AGAP3: variants seen among roughly 807,000 people sequenced by gnomAD.
The protein encoded by AGAP3 is ArfGAP with GTPase domain, ankyrin repeat and PH domain 3.
AGAP3 carries 24 observed loss-of-function variants against 96.9 expected under a neutral mutation model. That is an observed-to-expected ratio of 0.25 (90% confidence interval 0.18 to 0.35). AGAP3 has a LOEUF of 0.35. AGAP3 is among the 10% of genes least tolerant of loss of function. The probability of loss-of-function intolerance (pLI) is 1.00; values close to 1 mark genes in which losing one functional copy is unlikely to be tolerated. For synonymous variants in AGAP3, 563 were observed against 536.1 expected, an observed-to-expected ratio of 1.05 and a Z score of -0.69; for missense variants, 876 against 1,254.2, an observed-to-expected ratio of 0.70 and a Z score of 4.55.
At chr7:151,124,925 A>G (rs1432992673) in intron 9 of AGAP3, among the ~76,000 whole-genome samples, 1 of 152,162 alleles carries the variant, frequency 6.6e-6, no homozygotes, top group Non-Finnish European at 1.5e-5. Flanking sequence ...TGTTCGTTGC[A>G]TTTATGTCTG....
In AGAP3 at chr7:151,123,803, G is replaced by A. The variant is rs1286123686; in HGVS notation, c.1138G>A (p.Gly380Ser). 1.2e-6 allele frequency: 2 copies of A among 1,613,186 alleles called. No homozygotes were observed. Among genetic ancestry groups the A allele is most frequent in the African/African-American group, 1.3e-5 (1 of 75,054 alleles). The change falls in exon 9 of 18, where the codon GGT (glycine) becomes AGT (serine). Residue 380 changes from glycine (G) to serine (S), a missense_variant. Gly to Ser is a moderately conservative substitution (Grantham distance 56). Transcript: ENST00000397238. ...RRSNIFTSRKGADLDREKKAA... is the reference protein window; with the variant it reads ...RRSNIFTSRKSADLDREKKAA... Reference sequence around the variant, plus strand: ...TTGTTTTCTCTTCCAGTCTCGGAAGGGTGCTGACCTGGACCGGGAGAAGAA... The same window carrying A: ...TTGTTTTCTCTTCCAGTCTCGGAAGAGTGCTGACCTGGACCGGGAGAAGAA...
intron 1 of AGAP3, among the ~76,000 whole-genome samples, chr7:151,087,838 T>C (rs564673471): frequency 6.6e-6 from 1 of 152,262 alleles, no homozygotes; most frequent in South Asian, 2.1e-4. Context: ...TTTCGACCGC[T>C]GAGGGCACAG....
chr7:151,105,792 CCACACACACA>C (rs60071807), intron 1 of AGAP3, among the ~76,000 whole-genome samples: 31 of 26,922 alleles, frequency 1.2e-3, no homozygotes, highest in East Asian at 8.7e-3. Flanking sequence ...CCCCCCGACA[CCACACACACA>C]CACACACACA....
At chr7:151,110,142 A>C (rs1799221721) in intron 1 of AGAP3, among the ~76,000 whole-genome samples, 1 of 152,198 alleles carries the variant, frequency 6.6e-6, no homozygotes, top group Admixed American at 6.5e-5. Flanking sequence ...TTCTCTCAAA[A>C]GACTGGCCCA....
intron 1 of AGAP3, among the ~76,000 whole-genome samples, chr7:151,089,474 G>A (rs114714012): frequency 1.1e-3 from 171 of 152,076 alleles, no homozygotes; most frequent in African/African-American, 3.8e-3. Context: ...CGGCAGTTCC[G>A]AGTGTATAAC....
At position 151,118,233 on chromosome 7, in the gene AGAP3, C is replaced by G; in HGVS notation, c.730C>G (p.Arg244Gly). 1.2e-6 allele frequency: 2 copies of G among 1,611,722 alleles called. No homozygotes were observed. Among genetic ancestry groups the G allele is most frequent in the Non-Finnish European group, 1.7e-6 (2 of 1,178,164 alleles). Residue 244 changes from arginine to glycine, a missense_variant, in exon 6 of 18, where the codon CGG becomes GGG. Arg to Gly is a moderately radical substitution (Grantham distance 125). Coordinates refer to ENST00000397238, the MANE Select transcript of AGAP3 (RefSeq NM_031946.7). The surrounding 1 kb of genome is among the most constrained non-coding windows in gnomAD (Gnocchi z 6.1). The stretch of plus-strand genomic sequence containing the variant: ...AGATGCCATCAGCGCTGCGAATCCC[C>G]GGGTTATCGACGACAGCAGAGCCCG... ...TQDAISAANP[R>G]VIDDSRARKL...
chr7:151,120,131 T>A lies in AGAP3; in HGVS notation c.1114T>A (p.Ser372Thr). 1 of 1,609,948 alleles carries A rather than the reference T, an allele frequency of 6.2e-7. No individual in the cohort carries two copies. The highest frequency in any genetic ancestry group is 8.5e-7 in the Non-Finnish European group (1 of 1,177,936). ...CATCCGAAAGCAGTCCAAGCGGCGCTCCAACATCTTCACGGTACGTGACTG... is the reference window on the plus strand; with the variant it reads ...CATCCGAAAGCAGTCCAAGCGGCGCACCAACATCTTCACGGTACGTGACTG... ...TPIRKQSKRR[S>T]NIFTSRKGAD... The change falls in exon 8 of 18, where the codon TCC becomes ACC. Residue 372 changes from serine (S) to threonine (T), a missense_variant. Around this residue, in one of 8 missense-constraint regions of AGAP3, gnomAD observed 100 missense variants for 129.4 expected, o/e 0.77. Transcript: ENST00000397238.
At chr7:151,117,060 G>A (rs1799625957) in intron 2 of AGAP3, 35 bp from the exon 3 acceptor site, 14 of 1,600,634 alleles carry the variant, frequency 8.7e-6, no homozygotes, top group Non-Finnish European at 1.0e-5. Flanking sequence ...CGTGCCCTCT[G>A]CCCTCTGACC....
chr7:151,100,132 T>C (rs190808358), intron 1 of AGAP3, among the ~76,000 whole-genome samples: 1 of 152,218 alleles, frequency 6.6e-6, no homozygotes, highest in South Asian at 2.1e-4. Flanking sequence ...CTGCCTGCAG[T>C]GCGCCCTTTG....
In AGAP3 at chr7:151,096,811, C is replaced by T. The variant is rs150757855; in HGVS notation, c.331+9739C>T. Among the ~76,000 whole-genome samples the T allele has an allele frequency of 3.8e-3, 581 of 151,144 alleles. 3 individuals are homozygous for T. The highest frequency in any genetic ancestry group is 6.3e-3 in the Non-Finnish European group (427 of 67,876). ...TTTTCTTTAACGAGACAGAGTCTTG[C>T]TTTGTTTCCCAGGCTGGAGTGTAGT... On this transcript the variant is annotated intron_variant, in intron 1 of 17. Transcript: ENST00000397238. The surrounding 1 kb of genome is among the most constrained non-coding windows in gnomAD (Gnocchi z 4.4).
intron 1 of AGAP3, among the ~76,000 whole-genome samples, chr7:151,098,600 G>A (rs999913523): frequency 9.9e-5 from 15 of 152,238 alleles, no homozygotes; most frequent in East Asian, 3.9e-4. Flanking sequence ...GCAGTGAGCC[G>A]TGATCACACC....
chr7:151,086,876 C>T lies in AGAP3; in HGVS notation c.135C>T (p.Gly45=), dbSNP rs746411238. 4.7e-5 allele frequency: 58 copies of T among 1,240,358 alleles called. No homozygotes were observed. Among genetic ancestry groups the T allele is most frequent in the Non-Finnish European group, 5.5e-5 (54 of 980,772 alleles). 76.8% of individuals were successfully genotyped at this position (1,240,358 alleles called of 1,614,324 possible). A position where few individuals can be genotyped will look rare whatever the true frequency, so the allele number is the denominator to read the frequency against. ...QFGGAGPGAG[G]GGGPSQQLAG... is the part of the protein sequence containing the mutation. ...GCGGCGCGGGGCCCGGGGCCGGGGGCGGCGGCGGCCCCTCGCAGCAGCTGG... is the reference window on the plus strand; with the variant it reads ...GCGGCGCGGGGCCCGGGGCCGGGGGTGGCGGCGGCCCCTCGCAGCAGCTGG... The change falls in exon 1 of 18, where the codon GGC becomes GGT. Residue 45 remains glycine (G), a synonymous_variant. Coordinates refer to ENST00000397238, the MANE Select transcript of AGAP3 (RefSeq NM_031946.7).
intron 10 of AGAP3, 136 bp from the exon 11 acceptor site, chr7:151,134,264 G>A (rs1800507566): frequency 5.2e-6 from 5 of 969,728 alleles, no homozygotes; most frequent in Non-Finnish European, 6.3e-6. Context: ...ACATTCTGTG[G>A]CTTAGAATCC....
chr7:151,115,711 G>A (rs1371795591), intron 1 of AGAP3: 4 of 990,818 alleles, frequency 4.0e-6, no homozygotes, highest in East Asian at 5.6e-5. Flanking sequence ...CGCGCCCAGG[G>A]CAGGCGAGCT....
At chr7:151,124,537 G>T (rs1054508157) in intron 9 of AGAP3, among the ~76,000 whole-genome samples, 3 of 152,204 alleles carry the variant, frequency 2.0e-5, no homozygotes, top group Non-Finnish European at 2.9e-5. Flanking sequence ...GAGGAGCTGG[G>T]GTGCCCATAA....
At chr7:151,132,215 A>T (rs1297315175) in intron 10 of AGAP3, among the ~76,000 whole-genome samples, 4 of 152,190 alleles carry the variant, frequency 2.6e-5, no homozygotes. Context: ...CCACCTTGGC[A>T]AGGCCCCAAG....
In AGAP3 at chr7:151,137,261, C is replaced by T. The variant is rs146328326; in HGVS notation, c.1496-882C>T. Among the ~76,000 whole-genome samples the T allele has an allele frequency of 3.5e-3, 526 of 152,360 alleles. 6 individuals carry two copies. The highest frequency in any genetic ancestry group is 0.012 in the African/African-American group (481 of 41,582). On this transcript the variant is annotated intron_variant, in intron 11 of 17. Transcript: ENST00000397238. ...TGCTGTCTCCAGCTTTGGCCAGCTCCGGGCCCCTTCTCTGCTTTCCCACTA... is the reference window on the plus strand; with the variant it reads ...TGCTGTCTCCAGCTTTGGCCAGCTCTGGGCCCCTTCTCTGCTTTCCCACTA...
intron 1 of AGAP3, among the ~76,000 whole-genome samples, chr7:151,091,657 C>T (rs1428634327): frequency 6.6e-6 from 1 of 152,138 alleles, no homozygotes. Flanking sequence ...AACCTCATCA[C>T]GACTTCTTTC....
chr7:151,123,548 G>C, intron 8 of AGAP3: 1 of 1,342,102 alleles, frequency 7.5e-7, no homozygotes, highest in Non-Finnish European at 9.6e-7. Flanking sequence ...CGGCCTCTCT[G>C]TCCTTGCTCT....
Sources: allele counts gnomAD v4.1 joint callset (sites outside exome capture counted in the v4.1 genomes callset), GRCh38; gene constraint gnomAD v4.1.1; regional missense constraint gnomAD v4.1.1; non-coding constraint Gnocchi (gnomAD v3.1); transcripts MANE v1.5; gene names NCBI Gene and HGNC (gene_info 2026-07-23, HGNC 2026-07-21).